CARMIL1: variants seen among roughly 807,000 people sequenced by gnomAD.
CARMIL1 encodes capping protein regulator and myosin 1 linker 1.
A neutral mutation model predicts 177.1 loss-of-function variants in CARMIL1; 90 were observed. The observed-to-expected ratio is 0.51, with a 90% CI of 0.43 to 0.61. The LOEUF is 0.61. Among genes scored for constraint, CARMIL1 ranks in the 20% least tolerant of loss-of-function variants. The pLI, the probability that CARMIL1 is intolerant of heterozygous loss-of-function variation, is 0.00. For synonymous variants in CARMIL1, 577 were observed against 606.2 expected (o/e 0.95, Z 0.71); for missense variants, 1,380 against 1,667.0 (o/e 0.83, Z 3.00).
intron 2 of CARMIL1, among the ~76,000 whole-genome samples, chr6:25,314,047 T>C (rs1185821865): frequency 6.6e-6 from 1 of 151,158 alleles, no homozygotes; most frequent in African/African-American, 2.4e-5. Flanking sequence ...GGGAGATAAA[T>C]GTGCTATGTT....
chr6:25,476,268 GTCCCA>G (rs1405111622), intron 11 of CARMIL1, among the ~76,000 whole-genome samples: 1 of 151,964 alleles, frequency 6.6e-6, no homozygotes, highest in East Asian at 1.9e-4. Context: ...ATCTAGCTGC[GTCCCA>G]TTCACCAGTG....
At position 25,599,196 on chromosome 6, in the gene CARMIL1, C is replaced by T. The variant is rs570725590; in HGVS notation, c.3120-1118C>T. 1.2e-3 allele frequency among the ~76,000 whole-genome samples: 190 copies of T among 152,318 alleles called. 1 individual carries two copies. The highest frequency in any genetic ancestry group is 4.2e-3 in the African/African-American group (175 of 41,560). On this transcript the variant is annotated intron_variant, in intron 32 of 36. Coordinates refer to ENST00000329474, the MANE Select transcript of CARMIL1 (RefSeq NM_017640.6). ...GAAGAGAACCTTCCTGTCTTCATTT[C>T]CCCTTCACTTCCACTTGCAGAGGTG...
chr6:25,496,232 C>T (rs756607653), intron 16 of CARMIL1, among the ~76,000 whole-genome samples: 3 of 152,128 alleles, frequency 2.0e-5, no homozygotes, highest in Non-Finnish European at 2.9e-5. Flanking sequence ...AATCTCAGCA[C>T]TCTGGGAGGC....
intron 12 of CARMIL1, among the ~76,000 whole-genome samples, chr6:25,484,400 C>T (rs370976174): frequency 2.6e-5 from 4 of 152,134 alleles, no homozygotes; most frequent in East Asian, 1.9e-4. Context: ...AGATTAGTTC[C>T]GTAAGTCCCA....
At chr6:25,449,823 A>G in intron 5 of CARMIL1, 75 bp from the exon 6 acceptor site, 1 of 790,550 alleles carries the variant, frequency 1.3e-6, no homozygotes. Flanking sequence ...AGAAAAAGGA[A>G]TGTGACAAAA....
chr6:25,381,738 A>C (rs1791562811), intron 2 of CARMIL1, among the ~76,000 whole-genome samples: 1 of 152,202 alleles, frequency 6.6e-6, no homozygotes, highest in African/African-American at 2.4e-5. Context: ...TGTGTTCACC[A>C]ATCCAGAAGC....
intron 26 of CARMIL1, 74 bp from the exon 27 acceptor site, chr6:25,550,836 C>A: frequency 7.3e-7 from 1 of 1,375,738 alleles, no homozygotes; most frequent in Non-Finnish European, 1.0e-6. Context: ...CATATATAAC[C>A]ACCTTTCAGT....
At chr6:25,396,235 A>G (rs142784587) in intron 2 of CARMIL1, among the ~76,000 whole-genome samples, 433 of 152,226 alleles carry the variant, frequency 2.8e-3, no homozygotes, top group Non-Finnish European at 4.4e-3. Flanking sequence ...TCTAAATTTA[A>G]TAGTAGAATT....
chr6:25,320,047 T>A (rs970356224), intron 2 of CARMIL1, among the ~76,000 whole-genome samples: 1 of 152,252 alleles, frequency 6.6e-6, no homozygotes, highest in Non-Finnish European at 1.5e-5. Flanking sequence ...ATGAACATGG[T>A]CAATCTTGCT....
chr6:25,556,604 C>T, intron 28 of CARMIL1, 97 bp from the exon 29 acceptor site: 1 of 1,124,104 alleles, frequency 8.9e-7, no homozygotes, highest in Non-Finnish European at 1.3e-6. Context: ...GCTTTGTGCT[C>T]CACTGCGCCA....
At position 25,606,302 on chromosome 6, in the gene CARMIL1, T is replaced by TAAC. The variant is rs1815964003; in HGVS notation, c.3847+29_3847+30insAAC. ...AGAGTTTTGCAGTTAGGGAGTTGCA[T>TAAC]TGTGACCAGGTGGCTTCCCAGAGCC... On this transcript the variant is annotated intron_variant, in intron 35 of 36. Coordinates refer to ENST00000329474, the MANE Select transcript of CARMIL1 (RefSeq NM_017640.6). 4 of 1,601,418 alleles carry TAAC rather than the reference T, an allele frequency of 2.5e-6. No individual in the cohort carries two copies. The South Asian group carries it at 4.5e-5, about 18-fold the overall frequency.
chr6:25,287,760 C>T (rs998752182), intron 2 of CARMIL1, among the ~76,000 whole-genome samples: 2 of 152,232 alleles, frequency 1.3e-5, no homozygotes, highest in Non-Finnish European at 2.9e-5. Context: ...CCAGCTCTGC[C>T]TCACTCAGAG....
intron 11 of CARMIL1, among the ~76,000 whole-genome samples, chr6:25,480,638 AAATAAAT>A (rs1250764786): frequency 2.2e-5 from 2 of 90,122 alleles, no homozygotes; most frequent in African/African-American, 4.7e-5. Flanking sequence ...TTTTTAAATA[AAATAAAT>A]TTAAATTATT....
intron 2 of CARMIL1, among the ~76,000 whole-genome samples, chr6:25,382,546 C>G (rs1294170974): frequency 6.6e-6 from 1 of 152,098 alleles, no homozygotes; most frequent in East Asian, 1.9e-4. Flanking sequence ...CTGGGGGTGG[C>G]CAGCTTTTAT....
At chr6:25,320,637 C>T (rs970417690) in intron 2 of CARMIL1, among the ~76,000 whole-genome samples, 2 of 152,206 alleles carry the variant, frequency 1.3e-5, no homozygotes, top group East Asian at 3.9e-4. Flanking sequence ...TTCCTGCAGG[C>T]TGGTCAGATG....
chr6:25,596,839 C>T (rs1207676666), intron 32 of CARMIL1, among the ~76,000 whole-genome samples: 1 of 117,472 alleles, frequency 8.5e-6, no homozygotes, highest in African/African-American at 3.6e-5. Context: ...TACTCTGTCA[C>T]CAAACACACA....
chr6:25,362,824 C>T (rs1352330214), intron 2 of CARMIL1, among the ~76,000 whole-genome samples: 1 of 152,066 alleles, frequency 6.6e-6, no homozygotes, highest in Non-Finnish European at 1.5e-5. Context: ...CACCTGAGGT[C>T]AGGAGTTTGA....
At chr6:25,450,224 C>A in intron 6 of CARMIL1, 115 bp from the exon 7 acceptor site, 1 of 810,864 alleles carries the variant, frequency 1.2e-6, no homozygotes. Flanking sequence ...GTTTTCCCCC[C>A]TAAAAAGGAA....
intron 2 of CARMIL1, among the ~76,000 whole-genome samples, chr6:25,390,866 T>A (rs1195016454): frequency 6.6e-6 from 1 of 152,120 alleles, no homozygotes; most frequent in African/African-American, 2.4e-5. Flanking sequence ...TCAGCCTGGC[T>A]AATTTTTGTA....
Sources: gnomAD v4.1 joint callset for allele counts (sites outside exome capture counted in the v4.1 genomes callset) on GRCh38, gnomAD v4.1.1 for gene constraint, MANE v1.5 for transcripts, NCBI Gene and HGNC (gene_info 2026-07-23, HGNC 2026-07-21) for gene names.